The following SPMIP2 variants were observed in gnomAD, a reference collection of about 807,000 sequenced individuals.
The protein encoded by SPMIP2 is protein SPMIP2.
At chr4:158,938,711 T>G in the SPMIP2 span, among the ~76,000 whole-genome samples, 5 of 152,238 alleles carry the variant, frequency 3.3e-5, no homozygotes, top group Non-Finnish European at 7.3e-5. Context: ...GCATGTTGTC[T>G]TCCTGGGCAG....
At chr4:158,917,469 G>T in the SPMIP2 span, among the ~76,000 whole-genome samples, 1 of 151,470 alleles carries the variant, frequency 6.6e-6, no homozygotes, top group South Asian at 2.1e-4. Flanking sequence ...ACTCTCCTCA[G>T]CCCGTCTCTA....
chr4:158,902,236 A>T, the SPMIP2 span, among the ~76,000 whole-genome samples: 23 of 152,160 alleles, frequency 1.5e-4, no homozygotes, highest in African/African-American at 5.5e-4. Flanking sequence ...TCCTTCTAAC[A>T]GGCCTGTCTG....
chr4:158,930,462 CCT>C, the SPMIP2 span, among the ~76,000 whole-genome samples: 1 of 151,366 alleles, frequency 6.6e-6, no homozygotes, highest in Non-Finnish European at 1.5e-5. Flanking sequence ...CCCATATCAG[CCT>C]CCCAAAGTGC....
the SPMIP2 span, among the ~76,000 whole-genome samples, chr4:159,019,822 C>T: frequency 6.6e-6 from 1 of 152,174 alleles, no homozygotes; most frequent in Non-Finnish European, 1.5e-5. Context: ...GGATGCCAGC[C>T]ATCTGGCCTG....
the SPMIP2 span, among the ~76,000 whole-genome samples, chr4:158,969,010 C>T: frequency 6.6e-6 from 1 of 151,902 alleles, no homozygotes; most frequent in South Asian, 2.1e-4. Context: ...CACGATTCTC[C>T]TTATTACCTC....
At chr4:159,041,687 T>C in the SPMIP2 span, among the ~76,000 whole-genome samples, 2 of 152,204 alleles carry the variant, frequency 1.3e-5, no homozygotes, top group African/African-American at 2.4e-5. Flanking sequence ...CAAAAGCCCT[T>C]GGAGATTGCT....
the SPMIP2 span, among the ~76,000 whole-genome samples, chr4:158,943,071 A>G: frequency 6.6e-6 from 1 of 152,250 alleles, no homozygotes; most frequent in Admixed American, 6.5e-5. Context: ...AGTTTGAGTC[A>G]ACATTTAAAT....
chr4:158,904,715 T>C, the SPMIP2 span: 1 of 605,804 alleles, frequency 1.7e-6, no homozygotes, highest in East Asian at 2.8e-5. Flanking sequence ...ATTGAAGACT[T>C]AGGTTTACTT....
At chr4:158,913,263 C>T in the SPMIP2 span, among the ~76,000 whole-genome samples, 3 of 152,182 alleles carry the variant, frequency 2.0e-5, no homozygotes, top group African/African-American at 4.8e-5. Flanking sequence ...CTCTCTGTCA[C>T]GCAGGCTGGA....
At chr4:158,910,039 C>CA in the SPMIP2 span, among the ~76,000 whole-genome samples, 159 of 148,048 alleles carry the variant, frequency 1.1e-3, no homozygotes, top group Middle Eastern at 6.9e-3. Context: ...GACTCCATCT[C>CA]AAAAAAAAAC....
the SPMIP2 span, among the ~76,000 whole-genome samples, chr4:159,025,948 A>G: frequency 6.6e-6 from 1 of 152,252 alleles, no homozygotes; most frequent in Non-Finnish European, 1.5e-5. Flanking sequence ...CCTGGCACAC[A>G]GTAAACAATC....
At chr4:158,985,436 T>A in the SPMIP2 span, among the ~76,000 whole-genome samples, 1 of 151,706 alleles carries the variant, frequency 6.6e-6, no homozygotes, top group South Asian at 2.1e-4. Flanking sequence ...TTATCCACCA[T>A]GATCAAGTGG....
the SPMIP2 span, among the ~76,000 whole-genome samples, chr4:159,016,450 A>G: frequency 0.01 from 1,569 of 152,320 alleles, 111 homozygotes; most frequent in Admixed American, 0.095. Context: ...TTACTTTTTC[A>G]TGTTAATTAT....
chr4:158,941,310 A>C, the SPMIP2 span, among the ~76,000 whole-genome samples: 1 of 152,200 alleles, frequency 6.6e-6, no homozygotes, highest in Non-Finnish European at 1.5e-5. Context: ...TTTATCCCAC[A>C]ATATACCCAC....
the SPMIP2 span, among the ~76,000 whole-genome samples, chr4:159,082,449 CTGTGTGTGTGTGTGTGTGTGTGTGTGTG>C: frequency 1.8e-5 from 2 of 111,604 alleles, no homozygotes; most frequent in Admixed American, 9.1e-5. Context: ...CCACTTTTCT[CTGTGTGTGTGTGTGTGTGTGTGTGTGTG>C]TGTGTGTGTG....
At chr4:159,037,955 G>A in the SPMIP2 span, among the ~76,000 whole-genome samples, 2 of 151,638 alleles carry the variant, frequency 1.3e-5, no homozygotes, top group Admixed American at 6.6e-5. Context: ...ATAGCATTAC[G>A]TAAAGATATT....
the SPMIP2 span, among the ~76,000 whole-genome samples, chr4:159,011,930 G>C: frequency 6.6e-6 from 1 of 151,416 alleles, no homozygotes; most frequent in Non-Finnish European, 1.5e-5. Flanking sequence ...GGGCGTGGTG[G>C]TGTGCACCTG....
At chr4:159,056,760 G>T in the SPMIP2 span, among the ~76,000 whole-genome samples, 1 of 152,140 alleles carries the variant, frequency 6.6e-6, no homozygotes, top group Admixed American at 6.5e-5. Context: ...CAGAGGTACA[G>T]AAACAGAAAA....
At chr4:158,909,091 A>C in the SPMIP2 span, among the ~76,000 whole-genome samples, 1 of 152,228 alleles carries the variant, frequency 6.6e-6, no homozygotes, top group Non-Finnish European at 1.5e-5. Context: ...ATAGGGCATT[A>C]TATTGGTATG....
Sources: allele counts gnomAD v4.1 joint callset (sites outside exome capture counted in the v4.1 genomes callset), GRCh38; gene constraint gnomAD v4.1.1; transcripts MANE v1.5; gene names NCBI Gene and HGNC (gene_info 2026-07-23, HGNC 2026-07-21).